Variants in TAFA5 observed in about 807,000 individuals in gnomAD.
TAFA5 encodes the protein chemokine-like protein TAFA-5.
TAFA5 carries 6 observed loss-of-function variants against 15.3 expected under a neutral mutation model. That is an observed-to-expected ratio of 0.39 (90% CI 0.21 to 0.77). TAFA5 has a LOEUF of 0.77. Among genes scored for constraint, TAFA5 ranks in the 30% least tolerant of loss-of-function variants. The pLI, the probability that TAFA5 is intolerant of heterozygous loss-of-function variation, is 0.41. For missense variants in TAFA5, 161 were observed against 193.1 expected (o/e 0.83, Z 0.98); for synonymous variants, 103 against 80.7 (o/e 1.28, Z -1.48).
chr22:48,609,787 T>C (rs1197337679), intron 1 of TAFA5, among the ~76,000 whole-genome samples: 2 of 152,152 alleles, frequency 1.3e-5, no homozygotes, highest in Non-Finnish European at 2.9e-5. Flanking sequence ...TCTGAGGGTC[T>C]TGGGGGAGAA....
At chr22:48,724,942 A>G (rs130199) in intron 3 of TAFA5, among the ~76,000 whole-genome samples, 95,398 of 152,164 alleles carry the variant, frequency 0.63, 30,996 homozygotes, top group Non-Finnish European at 0.7. Flanking sequence ...ATGGCAGAAG[A>G]GCCTCTTAGC....
In TAFA5 at chr22:48,742,179, C is replaced by T. The variant is rs983111276; in HGVS notation, c.391-7660C>T. On this transcript the variant is annotated intron_variant, in intron 3 of 3. Transcript: ENST00000402357. This position sits in a 1 kb window ranked among gnomAD's most constrained non-coding sequence, Gnocchi z 6.2. ...AGGCCCCCTCATCCTTCACCAGGCA[C>T]AGCCCTGCCCCACCCCACAGGCCCC... is the stretch of plus-strand genomic sequence containing the variant. Among the ~76,000 whole-genome samples, 3 of 151,616 alleles carry T rather than the reference C, an allele frequency of 2.0e-5. No homozygotes were observed. Among genetic ancestry groups the T allele is most frequent in the South Asian group, 4.2e-4 (2 of 4,772 alleles).
At chr22:48,684,622 C>T (rs1038968274) in intron 2 of TAFA5, among the ~76,000 whole-genome samples, 7 of 152,188 alleles carry the variant, frequency 4.6e-5, no homozygotes, top group African/African-American at 1.7e-4. Context: ...TTCAGATTCT[C>T]CAGGCCTCCC....
At chr22:48,528,374 G>T (rs187738094) in intron 1 of TAFA5, among the ~76,000 whole-genome samples, 163 of 152,150 alleles carry the variant, frequency 1.1e-3, no homozygotes, top group African/African-American at 3.7e-3. Context: ...TCCATTCCCC[G>T]ATGCCTGTGT....
At chr22:48,719,585 G>T (rs1929507811) in intron 3 of TAFA5, among the ~76,000 whole-genome samples, 1 of 152,144 alleles carries the variant, frequency 6.6e-6, no homozygotes, top group Non-Finnish European at 1.5e-5. Context: ...TGCCCCCCCT[G>T]CATTCTCTCC....
intron 1 of TAFA5, among the ~76,000 whole-genome samples, chr22:48,587,764 A>G (rs978000988): frequency 1.3e-5 from 2 of 152,220 alleles, no homozygotes; most frequent in African/African-American, 4.8e-5. Context: ...GCATGCTCCA[A>G]ACACGGCCTT....
chr22:48,654,326 C>T (rs889326915), intron 2 of TAFA5, among the ~76,000 whole-genome samples: 10 of 152,280 alleles, frequency 6.6e-5, no homozygotes, highest in Middle Eastern at 6.8e-3. Flanking sequence ...CTGGCCCCCT[C>T]GAACTCTTGA....
chr22:48,634,263 T>TTCACTCATCAC (rs1926358855), intron 1 of TAFA5, among the ~76,000 whole-genome samples: 1 of 152,062 alleles, frequency 6.6e-6, no homozygotes, highest in African/African-American at 2.4e-5. Flanking sequence ...CATTTACTCA[T>TTCACTCATCAC]TCACTCATCA....
intron 2 of TAFA5, among the ~76,000 whole-genome samples, chr22:48,670,662 T>A (rs1049837385): frequency 1.3e-5 from 2 of 152,194 alleles, no homozygotes; most frequent in African/African-American, 4.8e-5. Context: ...AGAGACAGGA[T>A]TTAGGAGCGG....
intron 3 of TAFA5, among the ~76,000 whole-genome samples, chr22:48,722,781 A>G (rs1344030940): frequency 6.6e-6 from 1 of 152,178 alleles, no homozygotes; most frequent in South Asian, 2.1e-4. Context: ...GGCCGGGGGT[A>G]CATCCTAACA....
intron 1 of TAFA5, among the ~76,000 whole-genome samples, chr22:48,616,101 G>A (rs1925594546): frequency 1.3e-5 from 2 of 151,998 alleles, no homozygotes; most frequent in Admixed American, 1.3e-4. Context: ...TGGGACCCTG[G>A]AGCTGGGCCT....
At chr22:48,519,425 C>G (rs1213080794) in intron 1 of TAFA5, among the ~76,000 whole-genome samples, 2 of 152,242 alleles carry the variant, frequency 1.3e-5, no homozygotes, top group African/African-American at 2.4e-5. Context: ...ATGAAACAGG[C>G]TGTGGTCTCC....
intron 1 of TAFA5, chr22:48,546,483 G>T (rs761080281): frequency 5.2e-6 from 2 of 387,652 alleles, no homozygotes; most frequent in Non-Finnish European, 1.1e-5. Context: ...TTTCTCAAAC[G>T]GGGTGTGTGG....
chr22:48,706,819 C>T (rs908646926), intron 2 of TAFA5, among the ~76,000 whole-genome samples: 3 of 152,212 alleles, frequency 2.0e-5, no homozygotes, highest in African/African-American at 7.2e-5. Flanking sequence ...TTTTGAGATT[C>T]CCGCAGCGAA....
chr22:48,607,979 G>A (rs921121524), intron 1 of TAFA5, among the ~76,000 whole-genome samples: 3 of 150,744 alleles, frequency 2.0e-5, no homozygotes, highest in Non-Finnish European at 4.4e-5. Flanking sequence ...AGGAGGCCCC[G>A]GGCCCATCCC....
chr22:48,723,409 G>A (rs925583135), intron 3 of TAFA5, among the ~76,000 whole-genome samples: 9 of 152,154 alleles, frequency 5.9e-5, no homozygotes, highest in East Asian at 1.9e-4. Context: ...CCTCTACCCC[G>A]TCGTGTTCAT....
intron 1 of TAFA5, among the ~76,000 whole-genome samples, chr22:48,535,687 T>C (rs116645819): frequency 6.7e-6 from 1 of 148,904 alleles, no homozygotes. Flanking sequence ...TATGCATATA[T>C]GTAGGTGCAA....
In TAFA5 at chr22:48,571,876, T is replaced by C. The variant is rs372683131; in HGVS notation, c.113-74721T>C. Among the ~76,000 whole-genome samples the C allele has an allele frequency of 3.3e-5, 5 of 152,170 alleles. No homozygotes were observed. The East Asian group carries it at 9.7e-4, about 29-fold the overall frequency. Reference sequence around the variant, plus strand: ...GTGCTCTCCACTCTTATAAACATATTTGATTTTACTTTCCACAGCCCAGTC... The same window carrying C: ...GTGCTCTCCACTCTTATAAACATATCTGATTTTACTTTCCACAGCCCAGTC... On this transcript the variant is annotated intron_variant, in intron 1 of 3. Coordinates refer to ENST00000402357, the MANE Select transcript of TAFA5 (RefSeq NM_001082967.3).
Position 48,559,221 on chromosome 22 carries a change from C to T in TAFA5, c.112+69517C>T, listed in dbSNP as rs547970797. Among the ~76,000 whole-genome samples the T allele has an allele frequency of 1.4e-4, 22 of 152,298 alleles. No individual in the cohort carries two copies. The South Asian group carries it at 3.5e-3, about 24-fold the overall frequency. ...AGCTGGAGCTGACACCAGCGGTGGA[C>T]GCTCCTCCTGGGCCACTGGGCTGCC... On this transcript the variant is annotated intron_variant, in intron 1 of 3. Coordinates refer to ENST00000402357, the MANE Select transcript of TAFA5 (RefSeq NM_001082967.3).
Sources: gnomAD v4.1 joint callset for allele counts (sites outside exome capture counted in the v4.1 genomes callset) on GRCh38, gnomAD v4.1.1 for gene constraint, Gnocchi (gnomAD v3.1) non-coding constraint, MANE v1.5 for transcripts, NCBI Gene and HGNC (gene_info 2026-07-23, HGNC 2026-07-21) for gene names.